Variants in HMGXB4 observed in about 807,000 individuals in gnomAD.
HMGXB4 encodes the protein HMG domain-containing protein 4.
In HMGXB4, 27 loss-of-function variants were observed where a neutral mutation model predicts 63.9. The observed-to-expected ratio is 0.42, with a 90% CI of 0.31 to 0.58. HMGXB4 has a LOEUF of 0.58. Among genes scored for constraint, HMGXB4 ranks in the 20% least tolerant of loss-of-function variants. The pLI, the probability that HMGXB4 is intolerant of heterozygous loss-of-function variation, is 0.13. For missense variants in HMGXB4, 624 were observed against 700.7 expected, an observed-to-expected ratio of 0.89 and a Z score of 1.24; for synonymous variants, 264 against 265.3, an observed-to-expected ratio of 0.99 and a Z score of 0.05.
chr22:35,245,949 C>G, the HMGXB4 span, among the ~76,000 whole-genome samples: 1 of 152,122 alleles, frequency 6.6e-6, no homozygotes, highest in Non-Finnish European at 1.5e-5. Context: ...GGTGGCAGTC[C>G]TGACTCTCTC....
chr22:35,242,297 C>G, the HMGXB4 span, among the ~76,000 whole-genome samples: 1 of 152,086 alleles, frequency 6.6e-6, no homozygotes, highest in South Asian at 2.1e-4. Flanking sequence ...TGATCCATTT[C>G]ATCTAGGCTG....
chr22:35,290,250 A>G (rs1415835424), intron 9 of HMGXB4, among the ~76,000 whole-genome samples: 1 of 152,192 alleles, frequency 6.6e-6, no homozygotes, highest in Non-Finnish European at 1.5e-5. Context: ...AGTAAGTACA[A>G]AGTTCACCCT....
the HMGXB4 span, among the ~76,000 whole-genome samples, chr22:35,245,011 T>C: frequency 6.6e-6 from 1 of 152,176 alleles, no homozygotes; most frequent in Admixed American, 6.5e-5. Context: ...TAGCTGGGAT[T>C]ACAGGTGCCC....
rs527723228 is a variant in HMGXB4, at chr22:35,285,931, A to C, written c.1298-66A>C. The C allele has an allele frequency of 4.4e-4, 546 of 1,240,542 alleles. 4 individuals carry two copies. Among genetic ancestry groups the C allele is most frequent in the Middle Eastern group, 5.6e-4 (2 of 3,566 alleles). The allele number at this position is 1,240,542 out of a possible 1,614,324, so 76.8% of individuals were successfully genotyped here. A position where few individuals can be genotyped will look rare whatever the true frequency, so the allele number is the denominator to read the frequency against. On this transcript the variant is annotated intron_variant, in intron 6 of 10. Coordinates refer to ENST00000216106, the MANE Select transcript of HMGXB4 (RefSeq NM_001003681.3). The stretch of plus-strand genomic sequence containing the variant: ...AAACCCTTTTCCAGTTTTTGCTTTC[A>C]CCAATCTTCTATTTTGTTAATAGCT...
chr22:35,281,070 TAAATG>T (rs1006006052), intron 5 of HMGXB4, among the ~76,000 whole-genome samples: 4 of 152,246 alleles, frequency 2.6e-5, no homozygotes, highest in Non-Finnish European at 4.4e-5. Flanking sequence ...ATATTATTAA[TAAATG>T]AATAGTAGAA....
chr22:35,285,607 G>A (rs1336648248), intron 6 of HMGXB4, among the ~76,000 whole-genome samples: 1 of 152,100 alleles, frequency 6.6e-6, no homozygotes, highest in Admixed American at 6.5e-5. Flanking sequence ...CACGCCTGTG[G>A]TCCCGCTACT....
chr22:35,243,471 T>C, the HMGXB4 span, among the ~76,000 whole-genome samples: 1 of 152,158 alleles, frequency 6.6e-6, no homozygotes, highest in Non-Finnish European at 1.5e-5. Context: ...CTTAGTCAAG[T>C]TGGTAAGTAA....
intron 5 of HMGXB4, among the ~76,000 whole-genome samples, chr22:35,266,702 G>T (rs1458942657): frequency 6.6e-6 from 1 of 152,238 alleles, no homozygotes; most frequent in East Asian, 1.9e-4. Context: ...AGAATCTGGG[G>T]CTGGGTGTGG....
intron 5 of HMGXB4, among the ~76,000 whole-genome samples, chr22:35,268,333 C>T (rs1190631688): frequency 6.6e-6 from 1 of 152,198 alleles, no homozygotes; most frequent in African/African-American, 2.4e-5. Context: ...CCAACTATTT[C>T]TGCACAAATA....
At chr22:35,264,382 T>A (rs1481741213) in intron 4 of HMGXB4, among the ~76,000 whole-genome samples, 1 of 152,208 alleles carries the variant, frequency 6.6e-6, no homozygotes, top group Non-Finnish European at 1.5e-5. Context: ...TTCTTCTGGG[T>A]ATGTGCTCTT....
intron 9 of HMGXB4, among the ~76,000 whole-genome samples, chr22:35,291,054 G>A (rs1019517089): frequency 6.6e-5 from 10 of 152,180 alleles, no homozygotes; most frequent in South Asian, 6.2e-4. Context: ...CCTGAGGCTA[G>A]CAGTTCGAGA....
chr22:35,282,388 G>T (rs1382614644), intron 5 of HMGXB4, among the ~76,000 whole-genome samples: 4 of 152,212 alleles, frequency 2.6e-5, no homozygotes, highest in East Asian at 1.9e-4. Context: ...GTGTTAGCCA[G>T]GATGACCTCG....
At chr22:35,273,035 AGGGC>A (rs1236632861) in intron 5 of HMGXB4, among the ~76,000 whole-genome samples, 1 of 152,234 alleles carries the variant, frequency 6.6e-6, no homozygotes, top group Non-Finnish European at 1.5e-5. Flanking sequence ...AACCTAAGGC[AGGGC>A]CAGGTAGCCT....
chr22:35,288,486 C>G (rs1296483470), intron 9 of HMGXB4, 79 bp downstream of exon 9: 2 of 1,168,948 alleles, frequency 1.7e-6, no homozygotes. Context: ...ACTCATTTTA[C>G]ATACATGTAT....
intron 5 of HMGXB4, among the ~76,000 whole-genome samples, chr22:35,281,008 A>C (rs1447257848): frequency 6.6e-6 from 1 of 152,232 alleles, no homozygotes; most frequent in Admixed American, 6.5e-5. Flanking sequence ...TAGATTCTGC[A>C]TCTGATCCTT....
chr22:35,269,398 T>C (rs955574702), intron 5 of HMGXB4, among the ~76,000 whole-genome samples: 12 of 152,224 alleles, frequency 7.9e-5, no homozygotes, highest in Admixed American at 2.6e-4. Flanking sequence ...CAAAATAGAA[T>C]TCATAGAAGG....
intron 5 of HMGXB4, among the ~76,000 whole-genome samples, chr22:35,272,287 CA>C (rs1487566579): frequency 6.6e-6 from 1 of 152,096 alleles, no homozygotes; most frequent in East Asian, 1.9e-4. Context: ...GGAGCTGGAT[CA>C]GGGGTTGAGG....
chr22:35,257,168 G>C (rs1922461026), upstream of HMGXB4, among the ~76,000 whole-genome samples: 1 of 152,216 alleles, frequency 6.6e-6, no homozygotes, highest in Admixed American at 6.5e-5. Flanking sequence ...ACTGCATTCA[G>C]AATCAGAAGA....
intron 5 of HMGXB4, among the ~76,000 whole-genome samples, chr22:35,281,113 T>C (rs1010933104): frequency 1.3e-5 from 2 of 152,242 alleles, no homozygotes; most frequent in African/African-American, 4.8e-5. Flanking sequence ...TTTTTTCTAC[T>C]ACCTTTGAAA....
Sources: allele counts gnomAD v4.1 joint callset (sites outside exome capture counted in the v4.1 genomes callset), GRCh38; gene constraint gnomAD v4.1.1; transcripts MANE v1.5; gene names NCBI Gene and HGNC (gene_info 2026-07-23, HGNC 2026-07-21).